The following PCDHA3 variants were observed in gnomAD, a reference collection of about 807,000 sequenced individuals.
PCDHA3 encodes the protein protocadherin alpha-3.
A neutral mutation model predicts 62.2 loss-of-function variants in PCDHA3; 41 were observed. The ratio of observed to expected loss-of-function variants is 0.66; its 90% CI spans 0.51 to 0.86. PCDHA3 has a LOEUF of 0.86. Among genes scored for constraint, PCDHA3 ranks in the 40% least tolerant of loss-of-function variants. The probability of loss-of-function intolerance (pLI) is 0.00; values close to 1 mark genes in which losing one functional copy is unlikely to be tolerated. For missense variants in PCDHA3, 1,304 were observed against 1,241.2 expected, an observed-to-expected ratio of 1.05 and a Z score of -0.76; for synonymous variants, 640 against 555.4, an observed-to-expected ratio of 1.15 and a Z score of -2.14.
intron 1 of PCDHA3, among the ~76,000 whole-genome samples, chr5:140,939,041 T>G (rs2092303651): frequency 6.6e-6 from 1 of 152,222 alleles, no homozygotes; most frequent in Admixed American, 6.5e-5. Context: ...AAGAGTTGTC[T>G]TAGTCCATTT....
At position 140,876,102 on chromosome 5, in the gene PCDHA3, A is replaced by G. The variant is rs1363448025; in HGVS notation, c.2394+72511A>G. 4 of 1,613,844 alleles carry G rather than the reference A, an allele frequency of 2.5e-6. No individual in the cohort carries two copies. The African/African-American group carries it at 4.0e-5, about 16-fold the overall frequency. ...GAGAGCAAACGCCAAAACTCAATTT[A>G]TTGCTGATGGTAATCGATGGCGGTA... On this transcript the variant is annotated intron_variant, in intron 1 of 3. Coordinates refer to ENST00000522353, the MANE Select transcript of PCDHA3 (RefSeq NM_018906.3).
intron 1 of PCDHA3, among the ~76,000 whole-genome samples, chr5:140,891,762 G>C (rs554912268): frequency 1.5e-3 from 234 of 152,268 alleles, no homozygotes; most frequent in African/African-American, 4.9e-3. Context: ...GTTGGGAGGT[G>C]GGGAATTTCA....
chr5:140,927,755 C>G (rs1388061408), intron 1 of PCDHA3: 6 of 1,614,196 alleles, frequency 3.7e-6, no homozygotes, highest in Non-Finnish European at 5.1e-6. Flanking sequence ...CACGTGCACC[C>G]TAAAAGTGGG....
intron 1 of PCDHA3, among the ~76,000 whole-genome samples, chr5:140,886,080 C>A (rs910230815): frequency 3.7e-4 from 56 of 152,268 alleles, no homozygotes; most frequent in African/African-American, 1.2e-3. Flanking sequence ...CATACCACAA[C>A]CTGGATATTG....
chr5:140,825,061 G>T (rs1768438127), intron 1 of PCDHA3: 1 of 151,790 alleles, frequency 6.6e-6, no homozygotes, highest in Admixed American at 6.6e-5. Flanking sequence ...CCTTCATGAA[G>T]CCAAAACATT....
intron 1 of PCDHA3, among the ~76,000 whole-genome samples, chr5:140,947,921 C>A (rs1327858146): frequency 6.6e-6 from 1 of 151,536 alleles, no homozygotes; most frequent in African/African-American, 2.4e-5. Context: ...CTTGCCTTAA[C>A]CCTGATCTTA....
At chr5:140,884,063 G>T in intron 1 of PCDHA3, 1 of 1,613,496 alleles carries the variant, frequency 6.2e-7, no homozygotes, top group Non-Finnish European at 8.5e-7. Context: ...CGCGGTGGAC[G>T]CCGATTCGGG....
intron 1 of PCDHA3, among the ~76,000 whole-genome samples, chr5:140,913,086 A>G (rs937964424): frequency 6.6e-6 from 1 of 152,142 alleles, no homozygotes; most frequent in Admixed American, 6.6e-5. Flanking sequence ...TGGTATCAGG[A>G]TAATACTGGC....
At chr5:141,001,683 C>T (rs1042436989) in intron 3 of PCDHA3, among the ~76,000 whole-genome samples, 1 of 152,030 alleles carries the variant, frequency 6.6e-6, no homozygotes, top group Non-Finnish European at 1.5e-5. Flanking sequence ...TCCAACAAAC[C>T]CCACAGATGG....
chr5:140,952,857 G>T (rs2094808262), intron 1 of PCDHA3, among the ~76,000 whole-genome samples: 1 of 152,120 alleles, frequency 6.6e-6, no homozygotes, highest in Non-Finnish European at 1.5e-5. Context: ...TTCTGGGGAG[G>T]CCTCAGGAAA....
At chr5:140,898,003 G>A (rs2066458535) in intron 1 of PCDHA3, among the ~76,000 whole-genome samples, 1 of 152,152 alleles carries the variant, frequency 6.6e-6, no homozygotes, top group Non-Finnish European at 1.5e-5. Context: ...AGAAGTGTCT[G>A]TTCATATCCT....
intron 1 of PCDHA3, chr5:140,927,190 G>A (rs1554204161): frequency 6.2e-7 from 1 of 1,614,156 alleles, no homozygotes; most frequent in South Asian, 1.1e-5. Context: ...CTACGACCTG[G>A]TGCTCGAGGA....
chr5:140,945,183 A>G (rs1445694327), intron 1 of PCDHA3, among the ~76,000 whole-genome samples: 6 of 152,160 alleles, frequency 3.9e-5, no homozygotes, highest in Admixed American at 2.6e-4. Context: ...TAAATCAAGA[A>G]AACCATGCTA....
intron 2 of PCDHA3, among the ~76,000 whole-genome samples, chr5:140,980,413 T>C (rs1218867656): frequency 6.6e-6 from 1 of 152,086 alleles, no homozygotes; most frequent in Admixed American, 6.6e-5. Context: ...GGGCAGATCA[T>C]GAGGTCAAGA....
Position 140,803,008 on chromosome 5 carries a change from A to G in PCDHA3, c.1811A>G (p.Asn604Ser). The G allele has an allele frequency of 6.2e-7, 1 of 1,613,998 alleles. No individual in the cohort carries two copies. Residue 604 changes from asparagine to serine, a missense_variant, in exon 1 of 4, where the codon AAC becomes AGC. Coordinates refer to ENST00000522353, the MANE Select transcript of PCDHA3 (RefSeq NM_018906.3). ...GCAGTGGATGCAGACTCAGGCTACAACGCGTGGCTTTCGTATGAGCTGCAG... is the reference window on the plus strand; with the variant it reads ...GCAGTGGATGCAGACTCAGGCTACAGCGCGTGGCTTTCGTATGAGCTGCAG... The part of the protein sequence containing the change: ...VRAVDADSGY[N>S]AWLSYELQPG...
intron 1 of PCDHA3, among the ~76,000 whole-genome samples, chr5:140,962,845 C>G (rs2095712902): frequency 6.6e-6 from 1 of 152,172 alleles, no homozygotes; most frequent in African/African-American, 2.4e-5. Flanking sequence ...TATTATATAA[C>G]TTGTGCTCGG....
intron 3 of PCDHA3, among the ~76,000 whole-genome samples, chr5:141,008,087 A>G (rs1033572346): frequency 7.2e-5 from 11 of 152,172 alleles, no homozygotes; most frequent in African/African-American, 2.7e-4. Flanking sequence ...GTTATTCTAC[A>G]TGACAAAGAA....
intron 1 of PCDHA3, among the ~76,000 whole-genome samples, chr5:140,926,017 G>C (rs1222079500): frequency 2.0e-5 from 3 of 152,050 alleles, no homozygotes; most frequent in African/African-American, 7.2e-5. Context: ...GCCAGAGTCC[G>C]GAGGCAGTTT....
intron 1 of PCDHA3, among the ~76,000 whole-genome samples, chr5:140,819,080 C>T (rs1036053903): frequency 2.6e-5 from 4 of 152,098 alleles, no homozygotes; most frequent in Admixed American, 6.5e-5. Flanking sequence ...ATACAGGCAG[C>T]GCTAAGATGT....
Sources: gnomAD v4.1 joint callset for allele counts (sites outside exome capture counted in the v4.1 genomes callset) on GRCh38, gnomAD v4.1.1 for gene constraint, MANE v1.5 for transcripts, NCBI Gene and HGNC (gene_info 2026-07-23, HGNC 2026-07-21) for gene names.